The following TBPL1 variants were observed in gnomAD, a reference collection of about 807,000 sequenced individuals.
TBPL1 encodes the protein TATA-box binding protein like 1.
TBPL1 carries 4 observed loss-of-function variants against 22.1 expected under a neutral mutation model. The observed-to-expected ratio is 0.18, with a 90% CI of 0.09 to 0.41. The LOEUF is 0.41. TBPL1 is among the 10% of genes least tolerant of loss of function. The probability of loss-of-function intolerance (pLI) is 1.00; values close to 1 mark genes in which losing one functional copy is unlikely to be tolerated. For missense variants in TBPL1, 115 were observed against 222.3 expected (o/e 0.52, Z 3.07); for synonymous variants, 64 against 71.0 (o/e 0.90, Z 0.50).
chr6:133,985,799 G>A (rs376353714), intron 6 of TBPL1: 2 of 152,030 alleles, frequency 1.3e-5, no homozygotes, highest in East Asian at 1.9e-4. Flanking sequence ...CTTCCTTGGG[G>A]ACTTTCAAAA....
At position 133,982,973 on chromosome 6, in the gene TBPL1, G is replaced by C. The variant is rs141065212; in HGVS notation, c.282+93G>C. The C allele has an allele frequency of 1.4e-3, 1,616 of 1,158,002 alleles. 22 individuals carry two copies. The African/African-American group carries it at 0.023, about 16-fold the overall frequency. 71.7% of individuals were successfully genotyped at this position (1,158,002 alleles called of 1,614,324 possible). On this transcript the variant is annotated intron_variant, in intron 4 of 6. Coordinates refer to ENST00000237264, the MANE Select transcript of TBPL1 (RefSeq NM_004865.4). ...TAATAGACTCAAGAAATCACTATGC[G>C]TACTATTCTTATGATTAAACTTTTT...
chr6:133,985,297 A>AAAAAAAAAATAT (rs1449435525), intron 6 of TBPL1, among the ~76,000 whole-genome samples: 1 of 42,906 alleles, frequency 2.3e-5, no homozygotes, highest in Non-Finnish European at 3.9e-5. Flanking sequence ...AAAAAAAAAA[A>AAAAAAAAAATAT]ATATATATAT....
chr6:133,972,352 C>T (rs1053101555), intron 1 of TBPL1, among the ~76,000 whole-genome samples: 1 of 152,096 alleles, frequency 6.6e-6, no homozygotes, highest in Non-Finnish European at 1.5e-5. Flanking sequence ...TTGTTAAAAC[C>T]GGGATCTAAT....
intron 1 of TBPL1, among the ~76,000 whole-genome samples, chr6:133,956,478 C>G (rs1280033519): frequency 6.6e-6 from 1 of 152,170 alleles, no homozygotes; most frequent in African/African-American, 2.4e-5. Flanking sequence ...TTATTACATA[C>G]TGCCTGGTAC....
chr6:133,980,321 T>TA (rs1317227541), intron 2 of TBPL1, 61 bp downstream of exon 2: 1 of 1,482,018 alleles, frequency 6.7e-7, no homozygotes. Context: ...CTATGACTAA[T>TA]ACTAAAATGT....
chr6:133,974,998 G>A (rs1294546672), intron 1 of TBPL1, among the ~76,000 whole-genome samples: 1 of 152,026 alleles, frequency 6.6e-6, no homozygotes, highest in Non-Finnish European at 1.5e-5. Flanking sequence ...TACAAGAAAA[G>A]ACAGTTAAAA....
rs973138005 is a variant in TBPL1 at position 133,953,266 on chromosome 6, C to T, written c.-204C>T. 6.5e-6 allele frequency: 1 copy of T among 152,844 alleles called. No individual in the cohort carries two copies. Among genetic ancestry groups the T allele is most frequent in the Non-Finnish European group, 1.5e-5 (1 of 68,214 alleles). 9.5% of individuals were successfully genotyped at this position (152,844 alleles called of 1,614,324 possible). On this transcript the variant is annotated 5_prime_UTR_variant, in exon 1 of 7. Coordinates refer to ENST00000237264, the MANE Select transcript of TBPL1 (RefSeq NM_004865.4). Reference sequence around the variant, plus strand: ...AAAGCAAGGAAGACGGAGTCCGAGCCTCGGGGGCTCCTAGCAACGGGCCGG... The same window carrying T: ...AAAGCAAGGAAGACGGAGTCCGAGCTTCGGGGGCTCCTAGCAACGGGCCGG...
At chr6:133,957,656 T>C (rs1156907689) in intron 1 of TBPL1, among the ~76,000 whole-genome samples, 1 of 152,244 alleles carries the variant, frequency 6.6e-6, no homozygotes, top group Non-Finnish European at 1.5e-5. Flanking sequence ...GTACGGACTC[T>C]GGATGCAGGC....
intron 1 of TBPL1, among the ~76,000 whole-genome samples, chr6:133,960,613 G>A (rs968979701): frequency 6.6e-6 from 1 of 152,098 alleles, no homozygotes; most frequent in Non-Finnish European, 1.5e-5. Flanking sequence ...AATTAGAAGA[G>A]TTTCAAATGC....
intron 1 of TBPL1, among the ~76,000 whole-genome samples, chr6:133,954,044 A>G (rs1201377633): frequency 6.6e-6 from 1 of 152,214 alleles, no homozygotes; most frequent in East Asian, 1.9e-4. Context: ...GAGAGTCGGG[A>G]TAAGTGATAA....
chr6:133,958,424 AT>A (rs2114321347), intron 1 of TBPL1, among the ~76,000 whole-genome samples: 1 of 152,342 alleles, frequency 6.6e-6, no homozygotes, highest in East Asian at 1.9e-4. Context: ...AGTAGCTAAA[AT>A]TGCTGCTCTG....
At chr6:133,958,999 T>C (rs1190483417) in intron 1 of TBPL1, among the ~76,000 whole-genome samples, 1 of 152,134 alleles carries the variant, frequency 6.6e-6, no homozygotes, top group Non-Finnish European at 1.5e-5. Flanking sequence ...GATAGAGATA[T>C]ATATTTCCTT....
At chr6:133,966,078 CAGAA>C (rs1268460378) in intron 1 of TBPL1, among the ~76,000 whole-genome samples, 2 of 151,976 alleles carry the variant, frequency 1.3e-5, no homozygotes, top group African/African-American at 4.8e-5. Flanking sequence ...CAGAGAGAGA[CAGAA>C]AGAAACAGAG....
At position 133,984,406 on chromosome 6, in the gene TBPL1, G is replaced by A. The variant is rs372548962; in HGVS notation, c.313G>A (p.Val105Ile). 4 of 1,612,950 alleles carry A rather than the reference G, an allele frequency of 2.5e-6. No individual in the cohort carries two copies. Among genetic ancestry groups the A allele is most frequent in the South Asian group, 1.1e-5 (1 of 90,992 alleles). The change falls in exon 5 of 7, where the codon GTT (valine) becomes ATT (isoleucine). Residue 105 changes from valine to isoleucine, a missense_variant. Val to Ile is a conservative substitution (Grantham distance 29, BLOSUM62 3). Coordinates refer to ENST00000237264, the MANE Select transcript of TBPL1 (RefSeq NM_004865.4). The part of the protein sequence containing the change: ...VIFTDFKVVN[V>I]LAVCNMPFEI... ...ATTTACAGATTTTAAGGTTGTTAAC[G>A]TTCTGGCAGTGTGTAACATGCCATT...
chr6:133,965,451 A>G (rs1402371520), intron 1 of TBPL1, among the ~76,000 whole-genome samples: 2 of 152,262 alleles, frequency 1.3e-5, no homozygotes, highest in East Asian at 3.9e-4. Context: ...AATCTAGCAT[A>G]ATACCTATTT....
chr6:133,974,681 AT>A (rs1483694285), intron 1 of TBPL1, among the ~76,000 whole-genome samples: 2 of 152,228 alleles, frequency 1.3e-5, no homozygotes, highest in Admixed American at 6.5e-5. Flanking sequence ...ATATATTTAC[AT>A]TTTAAATTAT....
intron 1 of TBPL1, among the ~76,000 whole-genome samples, chr6:133,961,725 A>C (rs1161175934): frequency 6.6e-6 from 1 of 151,948 alleles, no homozygotes; most frequent in Non-Finnish European, 1.5e-5. Flanking sequence ...TGGCCTCCCA[A>C]AGTGCTGGGA....
intron 2 of TBPL1, among the ~76,000 whole-genome samples, chr6:133,980,718 T>C (rs1033152122): frequency 1.3e-5 from 2 of 151,628 alleles, no homozygotes; most frequent in African/African-American, 2.4e-5. Context: ...CTGGACATCT[T>C]AAATTTTAGT....
chr6:133,975,989 A>G (rs1475055405), intron 1 of TBPL1, among the ~76,000 whole-genome samples: 1 of 152,184 alleles, frequency 6.6e-6, no homozygotes, highest in East Asian at 1.9e-4. Context: ...CAAATGCTGT[A>G]TTTTTGGTGG....
Sources: gnomAD v4.1 joint callset for allele counts (sites outside exome capture counted in the v4.1 genomes callset) on GRCh38, gnomAD v4.1.1 for gene constraint, MANE v1.5 for transcripts, NCBI Gene and HGNC (gene_info 2026-07-23, HGNC 2026-07-21) for gene names.